AKAP7: variants seen among roughly 807,000 people sequenced by gnomAD.
AKAP7 encodes A-kinase anchoring protein 7.
In AKAP7, 39 loss-of-function variants were observed where a neutral mutation model predicts 39.5. The ratio of observed to expected loss-of-function variants is 0.99; its 90% CI spans 0.76 to 1.29. The LOEUF (loss-of-function observed/expected upper bound fraction) is 1.29. Ranked by LOEUF, AKAP7 falls within the 50% of genes most tolerant of loss-of-function variation. The pLI is 0.00. For synonymous variants in AKAP7, 140 were observed against 139.1 expected, an observed-to-expected ratio of 1.01 and a Z score of -0.05; for missense variants, 414 against 407.7, an observed-to-expected ratio of 1.02 and a Z score of -0.13.
At position 131,282,661 on chromosome 6, in the gene AKAP7, A is replaced by G. The variant is rs1815298698; in HGVS notation, c.*935A>G. 7.1e-7 allele frequency: 1 copy of G among 1,416,002 alleles called. No homozygotes were observed. The highest frequency in any genetic ancestry group is 1.3e-5 in the South Asian group (1 of 76,480). The allele number at this position is 1,416,002 out of a possible 1,614,324, so 87.7% of individuals were successfully genotyped here. On this transcript the variant is annotated 3_prime_UTR_variant, in exon 8 of 8. Coordinates refer to ENST00000431975, the MANE Select transcript of AKAP7 (RefSeq NM_016377.4). ...ATGAAATCTTTTCAGCTTATTAAGT[A>G]GCTCTTTGGTAAACACCAAAGAAGT...
In AKAP7 at chr6:131,282,609, T is replaced by C; in HGVS notation, c.*883T>C. On this transcript the variant is annotated 3_prime_UTR_variant, in exon 8 of 8. Transcript: ENST00000431975. ...TTCAGCACAACTTTGACATAAGCTC[T>C]ACATTGCGATTGTGACAACATAGCT... is the stretch of plus-strand genomic sequence containing the variant. The C allele has an allele frequency of 6.6e-7, 1 of 1,525,986 alleles. No homozygotes were observed. The highest frequency in any genetic ancestry group is 8.8e-7 in the Non-Finnish European group (1 of 1,138,536). The allele number at this position is 1,525,986 out of a possible 1,614,324, so 94.5% of individuals were successfully genotyped here. A position where few individuals can be genotyped will look rare whatever the true frequency, so the allele number is the denominator to read the frequency against.
the AKAP7 span, among the ~76,000 whole-genome samples, chr6:131,127,804 A>G: frequency 6.6e-6 from 1 of 152,242 alleles, no homozygotes. Flanking sequence ...GACTGCATAA[A>G]GAAAATATAG....
At chr6:131,163,004 C>G (rs532566083) in intron 3 of AKAP7, among the ~76,000 whole-genome samples, 1 of 141,400 alleles carries the variant, frequency 7.1e-6, no homozygotes, top group Non-Finnish European at 1.5e-5. Context: ...CTTTCGCTCT[C>G]GCTCTCTCTC....
upstream of AKAP7, among the ~76,000 whole-genome samples, chr6:131,131,657 T>C (rs191896242): frequency 6.6e-6 from 1 of 152,144 alleles, no homozygotes; most frequent in African/African-American, 2.4e-5. Context: ...TGGCGTAAAG[T>C]CTAATGTATG....
chr6:131,160,046 T>G lies in AKAP7; in HGVS notation c.152-13T>G. On this transcript the variant is annotated splice_polypyrimidine_tract_variant and intron_variant, in intron 2 of 7. Transcript: ENST00000431975. ...AAATGTATTAGACGTATTGTTTGAC[T>G]TTTTTCCTCTAGTCACTGATGAACC... 6.4e-7 allele frequency: 1 copy of G among 1,569,644 alleles called. No homozygotes were observed.
intron 7 of AKAP7, among the ~76,000 whole-genome samples, chr6:131,275,811 A>G (rs1562260376): frequency 1.3e-5 from 2 of 152,228 alleles, no homozygotes. Context: ...GCGGAAAGAA[A>G]TGAAGATTCC....
At chr6:131,240,848 C>A (rs903004704) in intron 7 of AKAP7, among the ~76,000 whole-genome samples, 4 of 152,222 alleles carry the variant, frequency 2.6e-5, no homozygotes, top group African/African-American at 9.6e-5. Flanking sequence ...TGACCCCTTG[C>A]ACTTCCCGGG....
intron 7 of AKAP7, among the ~76,000 whole-genome samples, chr6:131,268,194 C>G (rs930232134): frequency 6.6e-6 from 1 of 152,190 alleles, no homozygotes; most frequent in Non-Finnish European, 1.5e-5. Flanking sequence ...ATATTTCTCT[C>G]TCGTATACCT....
chr6:131,140,893 G>C (rs1800973283), intron 1 of AKAP7, among the ~76,000 whole-genome samples: 1 of 152,146 alleles, frequency 6.6e-6, no homozygotes, highest in Non-Finnish European at 1.5e-5. Context: ...AAATAGAAAA[G>C]AGGCATTTAA....
intron 7 of AKAP7, among the ~76,000 whole-genome samples, chr6:131,275,536 C>G (rs1186334388): frequency 6.6e-6 from 1 of 152,130 alleles, no homozygotes; most frequent in Admixed American, 6.6e-5. Context: ...AATATAGAGT[C>G]AGAGAACTGA....
intron 1 of AKAP7, among the ~76,000 whole-genome samples, chr6:131,140,668 A>G (rs898005972): frequency 2.6e-5 from 4 of 152,132 alleles, no homozygotes; most frequent in Non-Finnish European, 5.9e-5. Context: ...AGGAAAAACA[A>G]TGGTTGGGTT....
rs553115400 is a variant in AKAP7, at chr6:131,206,241, C to G, written c.702+6668C>G. ...TAGGTATCTTCCCTGATTTATGACT[C>G]TTTCAAATTACTACTGTAGCTCTTA... On this transcript the variant is annotated intron_variant, in intron 6 of 7. Coordinates refer to ENST00000431975, the MANE Select transcript of AKAP7 (RefSeq NM_016377.4). Among the ~76,000 whole-genome samples, 5 of 152,328 alleles carry G rather than the reference C, an allele frequency of 3.3e-5. No homozygotes were observed. In the East Asian group the frequency reaches 9.6e-4, roughly 29 times the overall value.
At chr6:131,126,869 G>T in the AKAP7 span, among the ~76,000 whole-genome samples, 18 of 152,054 alleles carry the variant, frequency 1.2e-4, no homozygotes, top group African/African-American at 4.1e-4. Context: ...CATATCAGGT[G>T]TACAGAGTGT....
At chr6:131,229,322 T>C (rs946192956) in intron 7 of AKAP7, among the ~76,000 whole-genome samples, 4 of 152,174 alleles carry the variant, frequency 2.6e-5, no homozygotes, top group Non-Finnish European at 5.9e-5. Flanking sequence ...AGTAGGATAA[T>C]GAACTTCATT....
In AKAP7 at chr6:131,282,198, G is replaced by T; in HGVS notation, c.*472G>T. ...GTACAATTAGTCCATAATGTTTCAT[G>T]TTTGTCCTAAGTGTGCTGTTGCTAT... is the stretch of plus-strand genomic sequence containing the variant. On this transcript the variant is annotated 3_prime_UTR_variant, in exon 8 of 8. Coordinates refer to ENST00000431975, the MANE Select transcript of AKAP7 (RefSeq NM_016377.4). 7.8e-7 allele frequency: 1 copy of T among 1,289,054 alleles called. No individual in the cohort carries two copies. Among genetic ancestry groups the T allele is most frequent in the Non-Finnish European group, 9.8e-7 (1 of 1,022,360 alleles). 79.9% of individuals were successfully genotyped at this position (1,289,054 alleles called of 1,614,324 possible). A position where few individuals can be genotyped will look rare whatever the true frequency, so the allele number is the denominator to read the frequency against.
intron 7 of AKAP7, among the ~76,000 whole-genome samples, chr6:131,278,170 T>C (rs2128339288): frequency 6.6e-6 from 1 of 152,340 alleles, no homozygotes; most frequent in Non-Finnish European, 1.5e-5. Context: ...TGGTGTCCTA[T>C]GTTAGCAGAG....
chr6:131,268,496 TGTTA>T (rs949366793), intron 7 of AKAP7, among the ~76,000 whole-genome samples: 9 of 152,230 alleles, frequency 5.9e-5, no homozygotes, highest in African/African-American at 2.2e-4. Flanking sequence ...CTGTGACTGC[TGTTA>T]GTGAGCTGGC....
chr6:131,261,933 G>GA (rs939645795), intron 7 of AKAP7, among the ~76,000 whole-genome samples: 8 of 152,234 alleles, frequency 5.3e-5, no homozygotes, highest in African/African-American at 1.9e-4. Context: ...AATACTGAGG[G>GA]AAAAGATAGT....
intron 3 of AKAP7, among the ~76,000 whole-genome samples, chr6:131,164,871 T>G (rs1803327192): frequency 6.6e-6 from 1 of 152,204 alleles, no homozygotes; most frequent in Non-Finnish European, 1.5e-5. Context: ...ATCATCATGC[T>G]TTAAAACTTA....
Sources: allele counts gnomAD v4.1 joint callset (sites outside exome capture counted in the v4.1 genomes callset), GRCh38; gene constraint gnomAD v4.1.1; transcripts MANE v1.5; gene names NCBI Gene and HGNC (gene_info 2026-07-23, HGNC 2026-07-21).